The following SLC1A7 variants were observed in gnomAD, a reference collection of about 807,000 sequenced individuals.
SLC1A7 encodes excitatory amino acid transporter 5.
A neutral mutation model predicts 47.7 loss-of-function variants in SLC1A7; 40 were observed. The ratio of observed to expected loss-of-function variants is 0.84; its 90% CI spans 0.65 to 1.09. SLC1A7 has a LOEUF of 1.09. Ranked by LOEUF, SLC1A7 falls within the 50% of genes least tolerant of loss-of-function variation. The pLI, the probability that SLC1A7 is intolerant of heterozygous loss-of-function variation, is 0.00. For missense variants in SLC1A7, 746 were observed against 769.5 expected (o/e 0.97, Z 0.36); for synonymous variants, 323 against 325.6 (o/e 0.99, Z 0.09).
intron 3 of SLC1A7, among the ~76,000 whole-genome samples, chr1:53,113,785 C>G (rs1271233117): frequency 6.6e-6 from 1 of 152,124 alleles, no homozygotes; most frequent in Non-Finnish European, 1.5e-5. Context: ...TGAGGCCGGT[C>G]CCCACCTGAA....
intron 2 of SLC1A7, among the ~76,000 whole-genome samples, chr1:53,122,971 C>T (rs376370470): frequency 6.6e-6 from 1 of 152,032 alleles, no homozygotes; most frequent in African/African-American, 2.4e-5. Flanking sequence ...TGCTGCTACC[C>T]TGGCATGCCC....
Position 53,092,687 on chromosome 1 carries a change from C to T in SLC1A7, c.898G>A (p.Val300Met), listed in dbSNP as rs143355775. 129 of 1,613,946 alleles carry T rather than the reference C, an allele frequency of 8.0e-5. No individual in the cohort carries two copies. Among genetic ancestry groups the T allele is most frequent in the Non-Finnish European group, 1.0e-4 (119 of 1,179,934 alleles). Reference protein sequence around the residue: ...GKKLGFYSVTVVCGLVLHGLF... With the variant: ...GKKLGFYSVTMVCGLVLHGLF... ...CCGTGGAGCACCAGCCCGCACACCA[C>T]GGTGACTGAGTAGAAGCCCAGCTTC... is the stretch of plus-strand genomic sequence containing the variant. The change falls in exon 7 of 11, where the codon GTG becomes ATG. Residue 300 changes from valine to methionine, a missense_variant. Val to Met is a conservative substitution (Grantham distance 21). Transcript: ENST00000371494.
intron 1 of SLC1A7, among the ~76,000 whole-genome samples, chr1:53,134,931 C>G (rs1265913678): frequency 2.0e-5 from 3 of 147,964 alleles, no homozygotes; most frequent in African/African-American, 5.0e-5. Flanking sequence ...AATGTGGTCT[C>G]TCTTAAAATA....
In SLC1A7 at chr1:53,142,436, G is replaced by T. The variant is rs367774000; in HGVS notation, c.14C>A (p.Ala5Asp). Residue 5 changes from alanine (A) to aspartate (D), a missense_variant, in exon 1 of 11, where the codon GCC becomes GAC. Ala to Asp is a moderately radical substitution (Grantham distance 126). Coordinates refer to ENST00000371494, the MANE Select transcript of SLC1A7 (RefSeq NM_006671.6). MVPH[A>D]ILARGRDVCR... The stretch of plus-strand genomic sequence containing the variant: ...CACGTCCCTCCCCCGTGCCAAGATG[G>T]CATGCGGCACCATGGTGAGCCTGGC... 4.8e-5 allele frequency: 78 copies of T among 1,613,186 alleles called. No homozygotes were observed. Among genetic ancestry groups the T allele is most frequent in the Non-Finnish European group, 6.4e-5 (76 of 1,179,786 alleles).
intron 6 of SLC1A7, 145 bp downstream of exon 6, chr1:53,093,316 A>G: frequency 1.5e-6 from 1 of 670,236 alleles, no homozygotes; most frequent in Non-Finnish European, 2.5e-6. Flanking sequence ...ACCCATGGAA[A>G]CACATGTAGC....
intron 10 of SLC1A7, 115 bp downstream of exon 10, chr1:53,088,762 G>T: frequency 2.7e-6 from 2 of 753,834 alleles, no homozygotes; most frequent in Non-Finnish European, 4.7e-6. Context: ...AGGCCCAGAG[G>T]CATGGAGGGA....
chr1:53,090,356 C>T (rs957369582), intron 8 of SLC1A7: 5 of 573,948 alleles, frequency 8.7e-6, no homozygotes, highest in East Asian at 6.1e-5. Flanking sequence ...AGCACCCCTT[C>T]GTTGGCTCCT....
rs1188517419 is a variant in SLC1A7, at chr1:53,087,635, T to A, written c.*374A>T. ...AGAGGAGAGGCGGGGCTTGAAAGAT[T>A]TGAGTTAGTGTCTTGACCTTAACGT... On this transcript the variant is annotated 3_prime_UTR_variant, in exon 11 of 11. Coordinates refer to ENST00000371494, the MANE Select transcript of SLC1A7 (RefSeq NM_006671.6). 6.2e-6 allele frequency: 1 copy of A among 160,610 alleles called. No individual in the cohort carries two copies. Among genetic ancestry groups the A allele is most frequent in the East Asian group, 1.7e-4 (1 of 5,786 alleles). The allele number at this position is 160,610 out of a possible 1,614,324, so 9.9% of individuals were successfully genotyped here.
chr1:53,137,871 C>A (rs1387256567), intron 1 of SLC1A7, among the ~76,000 whole-genome samples: 1 of 152,194 alleles, frequency 6.6e-6, no homozygotes, highest in African/African-American at 2.4e-5. Flanking sequence ...GTCATGGTTT[C>A]CTTCTTGGTT....
At chr1:53,128,776 A>C (rs1620182) in intron 2 of SLC1A7, among the ~76,000 whole-genome samples, 1 of 141,654 alleles carries the variant, frequency 7.1e-6, no homozygotes, top group Non-Finnish European at 1.6e-5. Context: ...AGATGGAAGA[A>C]GCCATCCAAG....
intron 5 of SLC1A7, among the ~76,000 whole-genome samples, chr1:53,093,819 G>C (rs942822209): frequency 2.6e-5 from 4 of 152,086 alleles, no homozygotes; most frequent in Non-Finnish European, 4.4e-5. Context: ...TGCACCCCTG[G>C]CTTCGCTGTG....
chr1:53,098,709 C>A (rs1483056225), intron 5 of SLC1A7, among the ~76,000 whole-genome samples: 1 of 151,606 alleles, frequency 6.6e-6, no homozygotes, highest in African/African-American at 2.4e-5. Context: ...ACATAACTGG[C>A]CTCGGTACAC....
chr1:53,116,717 G>T (rs1396191699), intron 2 of SLC1A7, among the ~76,000 whole-genome samples: 1 of 152,188 alleles, frequency 6.6e-6, no homozygotes, highest in African/African-American at 2.4e-5. Context: ...GCCGCCTCAG[G>T]CCACAGGGAA....
intron 5 of SLC1A7, 59 bp from the exon 6 acceptor site, chr1:53,093,619 G>A: frequency 7.3e-7 from 1 of 1,371,380 alleles, no homozygotes. Flanking sequence ...GGCCCACATG[G>A]GTCTCAGCAT....
chr1:53,097,553 T>C (rs1430381752), intron 5 of SLC1A7, among the ~76,000 whole-genome samples: 4 of 148,008 alleles, frequency 2.7e-5, no homozygotes, highest in East Asian at 2.1e-4. Context: ...CCCGCCTTGG[T>C]ACAATCACAC....
At chr1:53,140,186 A>T (rs983156657) in intron 1 of SLC1A7, among the ~76,000 whole-genome samples, 2 of 152,220 alleles carry the variant, frequency 1.3e-5, no homozygotes, top group Admixed American at 6.5e-5. Context: ...TCCTTCCTTC[A>T]ATTTATCTGG....
At chr1:53,095,280 GAC>G (rs1644472792) in intron 5 of SLC1A7, among the ~76,000 whole-genome samples, 1 of 152,004 alleles carries the variant, frequency 6.6e-6, no homozygotes, top group Non-Finnish European at 1.5e-5. Flanking sequence ...GGTGCACACA[GAC>G]ACAGGCACGG....
intron 5 of SLC1A7, chr1:53,102,383 T>C (rs1381308710): frequency 6.6e-6 from 1 of 152,392 alleles, no homozygotes; most frequent in Non-Finnish European, 1.5e-5. Context: ...AATGATATCC[T>C]TGCAATCGAG....
Position 53,134,346 on chromosome 1 carries a change from T to A in SLC1A7, c.215+4A>T, listed in dbSNP as rs201624957. 154 of 1,611,272 alleles carry A rather than the reference T, an allele frequency of 9.6e-5. No individual in the cohort carries two copies. The highest frequency in any genetic ancestry group is 1.0e-4 in the Non-Finnish European group (123 of 1,178,260). On this transcript the variant is annotated splice_donor_region_variant and intron_variant, in intron 2 of 10. Coordinates refer to ENST00000371494, the MANE Select transcript of SLC1A7 (RefSeq NM_006671.6). ...GGACCACCTGGTCAAACCCCCGCTC[T>A]CACCTGGAGACCACCAGTGGCAGGA... is the stretch of plus-strand genomic sequence containing the variant.
Sources: allele counts gnomAD v4.1 joint callset (sites outside exome capture counted in the v4.1 genomes callset), GRCh38; gene constraint gnomAD v4.1.1; transcripts MANE v1.5; gene names NCBI Gene and HGNC (gene_info 2026-07-23, HGNC 2026-07-21).